Variants in SMIM45 observed in about 807,000 individuals in gnomAD.
The protein encoded by SMIM45 is small integral membrane protein 45.
chr22:41,952,137 TA>T, the SMIM45 span: 3 of 152,728 alleles, frequency 2.0e-5, no homozygotes, highest in South Asian at 2.1e-4. Flanking sequence ...GAGTGGGGGC[TA>T]GGGGGAAGGG....
chr22:41,955,681 C>G, the SMIM45 span, among the ~76,000 whole-genome samples: 1 of 151,756 alleles, frequency 6.6e-6, no homozygotes, highest in Non-Finnish European at 1.5e-5. Flanking sequence ...TGGCGGTCAC[C>G]TGCAGTCCCA....
chr22:41,955,029 CTG>C, the SMIM45 span, among the ~76,000 whole-genome samples: 1 of 146,638 alleles, frequency 6.8e-6, no homozygotes, highest in African/African-American at 2.7e-5. Context: ...AAAAAAGAGT[CTG>C]GGTGTATATA....
chr22:41,958,083 C>A, the SMIM45 span: 1 of 315,800 alleles, frequency 3.2e-6, no homozygotes, highest in Non-Finnish European at 6.4e-6. Flanking sequence ...ACTTAGGTGC[C>A]TGGCTGGCCC....
At chr22:41,954,486 G>A in the SMIM45 span, among the ~76,000 whole-genome samples, 4 of 152,280 alleles carry the variant, frequency 2.6e-5, no homozygotes, top group African/African-American at 9.6e-5. Context: ...AATTACAGGC[G>A]TGACCCACCA....
chr22:41,953,740 G>GTTTTTT, the SMIM45 span, among the ~76,000 whole-genome samples: 4 of 89,318 alleles, frequency 4.5e-5, no homozygotes, highest in Non-Finnish European at 5.0e-5. Context: ...TCTGTGATCT[G>GTTTTTT]TTTTTTTTTT....
At chr22:41,955,067 C>CT in the SMIM45 span, among the ~76,000 whole-genome samples, 1 of 152,174 alleles carries the variant, frequency 6.6e-6, no homozygotes, top group East Asian at 1.9e-4. Flanking sequence ...CTTACACCTG[C>CT]TACCTTCCAC....
chr22:41,951,739 T>A, the SMIM45 span, among the ~76,000 whole-genome samples: 1 of 152,218 alleles, frequency 6.6e-6, no homozygotes, highest in Admixed American at 6.5e-5. Flanking sequence ...ATTGAGCCAA[T>A]GTGTCTGAAC....
the SMIM45 span, among the ~76,000 whole-genome samples, chr22:41,957,351 G>A: frequency 2.3e-5 from 3 of 132,382 alleles, no homozygotes; most frequent in South Asian, 2.8e-4. Flanking sequence ...GCGCCACCAC[G>A]CCCGGCTAAT....
the SMIM45 span, among the ~76,000 whole-genome samples, chr22:41,948,229 A>C: frequency 1.3e-5 from 2 of 152,234 alleles, no homozygotes; most frequent in African/African-American, 4.8e-5. Flanking sequence ...TCCCTGGTAC[A>C]TCGTAGTTAA....
chr22:41,953,167 T>C, the SMIM45 span, among the ~76,000 whole-genome samples: 1 of 152,112 alleles, frequency 6.6e-6, no homozygotes, highest in Non-Finnish European at 1.5e-5. Flanking sequence ...GTGAGGACCT[T>C]TGGGGTAGGA....
At chr22:41,953,929 T>C in the SMIM45 span, among the ~76,000 whole-genome samples, 1 of 151,116 alleles carries the variant, frequency 6.6e-6, no homozygotes, top group Non-Finnish European at 1.5e-5. Flanking sequence ...TTTTTGTATT[T>C]TTAATAGAGA....
At chr22:41,955,755 G>A in the SMIM45 span, among the ~76,000 whole-genome samples, 3 of 147,774 alleles carry the variant, frequency 2.0e-5, no homozygotes, top group African/African-American at 5.0e-5. Flanking sequence ...GCAGTGAGCC[G>A]AGATGGCGCC....
At chr22:41,953,819 C>G in the SMIM45 span, among the ~76,000 whole-genome samples, 1 of 139,666 alleles carries the variant, frequency 7.2e-6, no homozygotes, top group African/African-American at 2.6e-5. Context: ...GGCGCCGTCT[C>G]GGCTCACTGC....
chr22:41,958,507 AGTCTG>A, the SMIM45 span: 11 of 392,598 alleles, frequency 2.8e-5, no homozygotes, highest in Admixed American at 1.7e-4. Flanking sequence ...AGAGAGAGAG[AGTCTG>A]GGGGGAGCGG....
the SMIM45 span, among the ~76,000 whole-genome samples, chr22:41,947,902 T>C: frequency 6.6e-6 from 1 of 152,188 alleles, no homozygotes; most frequent in Non-Finnish European, 1.5e-5. Flanking sequence ...CCTGAGTAGC[T>C]GGGACTACCG....
the SMIM45 span, among the ~76,000 whole-genome samples, chr22:41,956,248 C>A: frequency 6.6e-6 from 1 of 152,142 alleles, no homozygotes; most frequent in African/African-American, 2.4e-5. Context: ...TGGGCTCAAG[C>A]AATCCACCCG....
chr22:41,954,228 A>G, the SMIM45 span, among the ~76,000 whole-genome samples: 26 of 90,172 alleles, frequency 2.9e-4, no homozygotes, highest in African/African-American at 1.5e-3. Context: ...TTTTTTTGAG[A>G]TGGAGTCTTG....
At chr22:41,958,434 G>A in the SMIM45 span, 2 of 455,896 alleles carry the variant, frequency 4.4e-6, no homozygotes, top group Admixed American at 4.7e-5. Flanking sequence ...AGGGTGTGTG[G>A]TGGGGGTATG....
the SMIM45 span, among the ~76,000 whole-genome samples, chr22:41,949,854 A>G: frequency 6.6e-6 from 1 of 152,168 alleles, no homozygotes; most frequent in African/African-American, 2.4e-5. Flanking sequence ...CTGAACAGAA[A>G]GTAGTTGTGT....
Sources: gnomAD v4.1 joint callset for allele counts (sites outside exome capture counted in the v4.1 genomes callset) on GRCh38, gnomAD v4.1.1 for gene constraint, MANE v1.5 for transcripts, NCBI Gene and HGNC (gene_info 2026-07-23, HGNC 2026-07-21) for gene names.